Variants in SRRM3 observed in about 807,000 individuals in gnomAD.
SRRM3 encodes serine/arginine repetitive matrix protein 3.
Under a neutral mutation model 66.2 loss-of-function variants are expected in SRRM3, and 27 were observed. The ratio of observed to expected loss-of-function variants is 0.41; its 90% CI spans 0.30 to 0.56. The LOEUF is 0.56. Among genes scored for constraint, SRRM3 ranks in the 20% least tolerant of loss-of-function variants. The probability of loss-of-function intolerance (pLI) is 0.32; values close to 1 mark genes in which losing one functional copy is unlikely to be tolerated. For synonymous variants in SRRM3, 391 were observed against 414.9 expected (o/e 0.94, Z 0.70); for missense variants, 918 against 991.9 (o/e 0.93, Z 1.00).
intron 1 of SRRM3, among the ~76,000 whole-genome samples, chr7:76,209,303 T>G (rs1331922695): frequency 1.3e-5 from 2 of 152,152 alleles, no homozygotes; most frequent in African/African-American, 4.8e-5. Context: ...AAGGCAGTCA[T>G]GAAAACTGAT....
intron 2 of SRRM3, among the ~76,000 whole-genome samples, chr7:76,240,880 C>T (rs1801277910): frequency 6.6e-6 from 1 of 151,824 alleles, no homozygotes; most frequent in South Asian, 2.1e-4. Context: ...ACACACAAGC[C>T]CTTGACGTTG....
intron 12 of SRRM3, 56 bp from the exon 13 acceptor site, chr7:76,282,592 C>T (rs1279715686): frequency 1.9e-6 from 2 of 1,033,948 alleles, no homozygotes; most frequent in African/African-American, 1.7e-5. Context: ...CCCTCCCCGC[C>T]CCCAGCCCCC....
intron 14 of SRRM3, among the ~76,000 whole-genome samples, chr7:76,284,410 T>G (rs1802607195): frequency 6.6e-6 from 1 of 152,244 alleles, no homozygotes; most frequent in Non-Finnish European, 1.5e-5. Context: ...ACTCCTGACC[T>G]CAGGTGATCC....
At chr7:76,214,131 C>T (rs189267307) in intron 1 of SRRM3, among the ~76,000 whole-genome samples, 4 of 152,184 alleles carry the variant, frequency 2.6e-5, no homozygotes, top group East Asian at 3.9e-4. Flanking sequence ...CTTTTCCCTC[C>T]TCCACCATGC....
intron 1 of SRRM3, among the ~76,000 whole-genome samples, chr7:76,215,793 A>ATTTTT (rs35624440): frequency 1.0e-5 from 1 of 96,834 alleles, no homozygotes; most frequent in African/African-American, 5.0e-5. Context: ...CACCTGGCTA[A>ATTTTT]TTTTTTTTTT....
intron 1 of SRRM3, among the ~76,000 whole-genome samples, chr7:76,213,525 C>T (rs1386640847): frequency 1.3e-5 from 2 of 152,076 alleles, no homozygotes; most frequent in East Asian, 3.9e-4. Context: ...CTGTGAGGCC[C>T]AGGGTGGCTG....
rs1554611344 is a variant in SRRM3 at position 76,277,746 on chromosome 7, G to GAGAAAGAAAGAAAAAAGAAAA, written c.1009-3694_1009-3693insGAAAGAAAGAAAAAAGAAAAA. 1.2e-3 allele frequency among the ~76,000 whole-genome samples: 131 copies of GAGAAAGAAAGAAAAAAGAAAA among 106,664 alleles called. 1 individual carries two copies. The highest frequency in any genetic ancestry group is 2.4e-3 in the South Asian group (7 of 2,904). The allele number at this position is 106,664 out of a possible 152,430, so 70.0% of individuals were successfully genotyped here. A position where few individuals can be genotyped will look rare whatever the true frequency, so the allele number is the denominator to read the frequency against. On this transcript the variant is annotated intron_variant, in intron 11 of 14. Coordinates refer to ENST00000611745, the MANE Select transcript of SRRM3 (RefSeq NM_001110199.3). ...AAAAAAAAAAAAAAAGAGAGAGAGA[G>GAGAAAGAAAGAAAAAAGAAAA]AAAGAAAGAAAAGAAAAAGAAGAAG...
In SRRM3 at chr7:76,287,032, T is replaced by C. The variant is rs1440355537; in HGVS notation, c.*1189T>C. ...TCAGAAGGGAGGGGAGGAAAGAGAC[T>C]GAGGGCCCTGGCCTGGGGCGTCGAT... On this transcript the variant is annotated 3_prime_UTR_variant, in exon 15 of 15. Coordinates refer to ENST00000611745, the MANE Select transcript of SRRM3 (RefSeq NM_001110199.3). 6.6e-6 allele frequency: 1 copy of C among 152,634 alleles called. No homozygotes were observed. The highest frequency in any genetic ancestry group is 6.5e-5 in the Admixed American group (1 of 15,280). 9.5% of individuals were successfully genotyped at this position (152,634 alleles called of 1,614,324 possible). A position where few individuals can be genotyped will look rare whatever the true frequency, so the allele number is the denominator to read the frequency against.
At position 76,242,354 on chromosome 7, in the gene SRRM3, G is replaced by A. The variant is rs575466321; in HGVS notation, c.234-5834G>A. ...ACAAAAATTAGCTGGGCGTGGGGGCGCATGCCTGTAGTCCCAGCTGCTTGG... is the reference window on the plus strand; with the variant it reads ...ACAAAAATTAGCTGGGCGTGGGGGCACATGCCTGTAGTCCCAGCTGCTTGG... On this transcript the variant is annotated intron_variant, in intron 2 of 14. Transcript: ENST00000611745. Among the ~76,000 whole-genome samples, 124 of 152,128 alleles carry A rather than the reference G, an allele frequency of 8.2e-4. 1 individual carries two copies. The highest frequency in any genetic ancestry group is 1.3e-3 in the African/African-American group (55 of 41,512).
intron 8 of SRRM3, among the ~76,000 whole-genome samples, chr7:76,263,689 G>T (rs782631633): frequency 1.3e-5 from 2 of 151,858 alleles, no homozygotes; most frequent in Non-Finnish European, 2.9e-5. Context: ...GTGAAATCCT[G>T]TTTCTACTAA....
intron 11 of SRRM3, among the ~76,000 whole-genome samples, chr7:76,273,858 C>T (rs185466687): frequency 3.1e-4 from 47 of 152,304 alleles, no homozygotes; most frequent in Non-Finnish European, 6.6e-4. Context: ...ATCTCCCCTC[C>T]TTCTTCACCT....
At chr7:76,206,932 G>A (rs1183320141) in intron 1 of SRRM3, among the ~76,000 whole-genome samples, 1 of 152,186 alleles carries the variant, frequency 6.6e-6, no homozygotes, top group African/African-American at 2.4e-5. Flanking sequence ...CTGTGAGGAG[G>A]CCTGACCCAT....
chr7:76,245,397 A>AAT (rs1356954606), intron 2 of SRRM3, among the ~76,000 whole-genome samples: 2 of 152,150 alleles, frequency 1.3e-5, no homozygotes, highest in African/African-American at 4.8e-5. Flanking sequence ...ATTTTTTTAA[A>AAT]ATTATTTTTT....
intron 2 of SRRM3, among the ~76,000 whole-genome samples, chr7:76,238,904 C>T (rs950298299): frequency 4.8e-4 from 73 of 151,622 alleles, no homozygotes; most frequent in African/African-American, 1.7e-3. Flanking sequence ...TCAAGTAAGC[C>T]ACCTGCCTTA....
chr7:76,244,609 G>T (rs1250850036), intron 2 of SRRM3, among the ~76,000 whole-genome samples: 3 of 151,174 alleles, frequency 2.0e-5, no homozygotes, highest in Admixed American at 6.6e-5. Context: ...CATTCAATTG[G>T]TCCCCAAGTC....
intron 11 of SRRM3, among the ~76,000 whole-genome samples, chr7:76,275,513 A>AAG (rs1802325285): frequency 6.6e-6 from 1 of 151,430 alleles, no homozygotes; most frequent in African/African-American, 2.4e-5. Flanking sequence ...AAAAAAAAAA[A>AAG]AAAAGAAAAG....
chr7:76,204,658 A>C (rs1350796230), intron 1 of SRRM3, among the ~76,000 whole-genome samples: 1 of 152,176 alleles, frequency 6.6e-6, no homozygotes, highest in Non-Finnish European at 1.5e-5. Context: ...AGGCAACTGA[A>C]GGACTCTTGA....
intron 1 of SRRM3, among the ~76,000 whole-genome samples, chr7:76,210,406 T>C (rs1156234965): frequency 1.3e-5 from 2 of 152,200 alleles, no homozygotes; most frequent in Admixed American, 1.3e-4. Context: ...GAAACCTCTC[T>C]CTTCCCTGCC....
At chr7:76,240,748 C>A (rs1397510317) in intron 2 of SRRM3, among the ~76,000 whole-genome samples, 1 of 152,168 alleles carries the variant, frequency 6.6e-6, no homozygotes, top group East Asian at 1.9e-4. Context: ...CATGCCCTTC[C>A]CTTATGGCCC....
Sources: allele counts gnomAD v4.1 joint callset (sites outside exome capture counted in the v4.1 genomes callset), GRCh38; gene constraint gnomAD v4.1.1; transcripts MANE v1.5; gene names NCBI Gene and HGNC (gene_info 2026-07-23, HGNC 2026-07-21).